CTNNA2: variants seen among roughly 807,000 people sequenced by gnomAD.
CTNNA2 encodes the protein catenin alpha 2.
A neutral mutation model predicts 101.0 loss-of-function variants in CTNNA2; 42 were observed. The observed-to-expected ratio is 0.42, with a 90% CI of 0.32 to 0.54. The LOEUF (loss-of-function observed/expected upper bound fraction) is 0.54. Among genes scored for constraint, CTNNA2 ranks in the 20% least tolerant of loss-of-function variants. The pLI is 0.14. For missense variants in CTNNA2, 871 were observed against 1,223.1 expected, an observed-to-expected ratio of 0.71 and a Z score of 4.29; for synonymous variants, 450 against 456.4, an observed-to-expected ratio of 0.99 and a Z score of 0.18.
intron 2 of CTNNA2, among the ~76,000 whole-genome samples, chr2:79,683,223 G>A (rs12471455): frequency 0.085 from 12,911 of 152,224 alleles, 605 homozygotes; most frequent in South Asian, 0.12. Flanking sequence ...AGAGGTTAAT[G>A]GGCCCTGCTT....
chr2:79,758,164 A>G (rs2105068580), intron 3 of CTNNA2, among the ~76,000 whole-genome samples: 1 of 152,340 alleles, frequency 6.6e-6, no homozygotes, highest in South Asian at 2.1e-4. Context: ...AAAATACTCT[A>G]CGTTAACACA....
intron 12 of CTNNA2, among the ~76,000 whole-genome samples, chr2:80,570,858 G>A (rs537735200): frequency 1.3e-5 from 2 of 152,158 alleles, no homozygotes; most frequent in African/African-American, 2.4e-5. Context: ...GAGAGATAAT[G>A]TATGCCATGC....
chr2:79,326,849 T>C (rs1197849772), intron 3 of CTNNA2, among the ~76,000 whole-genome samples: 1 of 152,162 alleles, frequency 6.6e-6, no homozygotes, highest in Non-Finnish European at 1.5e-5. Flanking sequence ...CATCATGATC[T>C]CAAAGGCCTT....
intron 9 of CTNNA2, among the ~76,000 whole-genome samples, chr2:80,444,148 C>T (rs1311518517): frequency 2.0e-5 from 3 of 152,172 alleles, no homozygotes; most frequent in African/African-American, 7.2e-5. Flanking sequence ...CAAATGGGCT[C>T]TGAGTTCAGC....
At chr2:79,976,729 G>C (rs1295348441) in intron 7 of CTNNA2, among the ~76,000 whole-genome samples, 1 of 152,158 alleles carries the variant, frequency 6.6e-6, no homozygotes, top group Non-Finnish European at 1.5e-5. Flanking sequence ...AATGTATATA[G>C]TACAGAAGAG....
intron 1 of CTNNA2, among the ~76,000 whole-genome samples, chr2:79,577,472 G>A (rs1326313610): frequency 6.6e-6 from 1 of 152,010 alleles, no homozygotes; most frequent in African/African-American, 2.4e-5. Flanking sequence ...AATAAGTGAT[G>A]TCTACCTTTT....
chr2:79,190,093 G>A (rs1470707281), intron 1 of CTNNA2, among the ~76,000 whole-genome samples: 7 of 152,086 alleles, frequency 4.6e-5, no homozygotes, highest in Admixed American at 1.3e-4. Flanking sequence ...AGTTCAAAAT[G>A]TTCCTAATTT....
intron 3 of CTNNA2, among the ~76,000 whole-genome samples, chr2:79,823,732 C>T (rs1341261649): frequency 1.3e-5 from 2 of 152,016 alleles, no homozygotes; most frequent in Non-Finnish European, 2.9e-5. Context: ...TATAGTAATA[C>T]TGAAATGCAG....
intron 1 of CTNNA2, among the ~76,000 whole-genome samples, chr2:79,189,898 A>C (rs953624021): frequency 2.6e-5 from 4 of 152,158 alleles, no homozygotes; most frequent in African/African-American, 9.7e-5. Context: ...GAATTTTCTG[A>C]AGCAATTATT....
intron 1 of CTNNA2, among the ~76,000 whole-genome samples, chr2:79,625,305 A>G (rs926899954): frequency 6.6e-6 from 1 of 152,152 alleles, no homozygotes; most frequent in East Asian, 1.9e-4. Flanking sequence ...TAATTGCTAT[A>G]ATTGAGAACT....
At chr2:80,162,215 G>A (rs1244435321) in intron 7 of CTNNA2, among the ~76,000 whole-genome samples, 1 of 152,088 alleles carries the variant, frequency 6.6e-6, no homozygotes, top group Non-Finnish European at 1.5e-5. Flanking sequence ...AGGAATTGTA[G>A]CACCATCTTT....
intron 7 of CTNNA2, among the ~76,000 whole-genome samples, chr2:80,076,166 G>C (rs571483075): frequency 7.0e-4 from 107 of 152,234 alleles, no homozygotes; most frequent in African/African-American, 2.2e-3. Context: ...TTCATTGAAG[G>C]CCTCTTCGGT....
At chr2:80,382,366 A>G (rs1676592077) in intron 7 of CTNNA2, among the ~76,000 whole-genome samples, 1 of 152,220 alleles carries the variant, frequency 6.6e-6, no homozygotes, top group African/African-American at 2.4e-5. Flanking sequence ...TGGATAAAAA[A>G]AAAAAAATGC....
At chr2:79,300,296 A>G (rs1309801668) in intron 2 of CTNNA2, among the ~76,000 whole-genome samples, 1 of 152,166 alleles carries the variant, frequency 6.6e-6, no homozygotes, top group East Asian at 1.9e-4. Flanking sequence ...GACTTTGTAG[A>G]TGGGATTCTT....
chr2:79,354,720 CCCAGAAGT>C (rs1295950815), intron 3 of CTNNA2, among the ~76,000 whole-genome samples: 2 of 152,096 alleles, frequency 1.3e-5, no homozygotes, highest in African/African-American at 4.8e-5. Flanking sequence ...CACCTAGGAT[CCCAGAAGT>C]CCACTGTGAG....
chr2:80,123,318 A>C (rs570937862), intron 7 of CTNNA2, among the ~76,000 whole-genome samples: 7 of 152,292 alleles, frequency 4.6e-5, no homozygotes, highest in African/African-American at 1.4e-4. Context: ...AGTGCTAAAC[A>C]ATGCAGAAAC....
intron 9 of CTNNA2, among the ~76,000 whole-genome samples, chr2:80,468,839 T>TAG (rs1685068531): frequency 6.6e-6 from 1 of 152,208 alleles, no homozygotes; most frequent in Admixed American, 6.5e-5. Flanking sequence ...CAGTTAAAAC[T>TAG]TAGCAGCTTT....
intron 1 of CTNNA2, among the ~76,000 whole-genome samples, chr2:79,195,404 G>C (rs1301490455): frequency 6.6e-6 from 1 of 152,126 alleles, no homozygotes; most frequent in Non-Finnish European, 1.5e-5. Context: ...TCACTGCACT[G>C]AATCATTAAA....
chr2:79,229,710 A>G (rs1674465397), intron 2 of CTNNA2, among the ~76,000 whole-genome samples: 2 of 152,140 alleles, frequency 1.3e-5, no homozygotes, highest in African/African-American at 4.8e-5. Flanking sequence ...GGCTCAGAGG[A>G]AGAAAGAAAA....
Sources: allele counts gnomAD v4.1 joint callset (sites outside exome capture counted in the v4.1 genomes callset), GRCh38; gene constraint gnomAD v4.1.1; transcripts MANE v1.5; gene names NCBI Gene and HGNC (gene_info 2026-07-23, HGNC 2026-07-21).